The following KCNG2 variants were observed in gnomAD, a reference collection of about 807,000 sequenced individuals.
The protein encoded by KCNG2 is voltage-gated potassium channel regulatory subunit KCNG2.
Under a neutral mutation model 12.3 loss-of-function variants are expected in KCNG2, and 7 were observed. The ratio of observed to expected loss-of-function variants is 0.57; its 90% CI spans 0.32 to 1.07. KCNG2 has a LOEUF of 1.07. Ranked by LOEUF, KCNG2 falls within the 50% of genes least tolerant of loss-of-function variation. KCNG2 has a pLI of 0.04. For synonymous variants in KCNG2, 414 were observed against 351.4 expected (o/e 1.18, Z -1.99); for missense variants, 703 against 726.0 (o/e 0.97, Z 0.36).
At chr18:79,889,062 T>A (rs927129378) in intron 3 of KCNG2, among the ~76,000 whole-genome samples, 1 of 152,244 alleles carries the variant, frequency 6.6e-6, no homozygotes, top group African/African-American at 2.4e-5. Context: ...AAGTCCCTTA[T>A]CAAATATCTG....
chr18:79,827,243 T>G (rs1160610286), intron 1 of KCNG2, among the ~76,000 whole-genome samples: 1 of 152,230 alleles, frequency 6.6e-6, no homozygotes, highest in Admixed American at 6.5e-5. Flanking sequence ...AGTGGTCCTG[T>G]GTCCACCCCG....
intron 2 of KCNG2, among the ~76,000 whole-genome samples, chr18:79,862,063 G>T (rs1192519738): frequency 1.3e-5 from 2 of 152,130 alleles, no homozygotes; most frequent in Non-Finnish European, 2.9e-5. Context: ...GCTCTTTGAA[G>T]ATATTAAATA....
At chr18:79,804,288 C>A (rs1159660760) in intron 1 of KCNG2, among the ~76,000 whole-genome samples, 1 of 152,248 alleles carries the variant, frequency 6.6e-6, no homozygotes, top group Non-Finnish European at 1.5e-5. Context: ...GACCCTGGCC[C>A]TGCTGGACTC....
chr18:79,869,133 A>C (rs1360007861), intron 3 of KCNG2, among the ~76,000 whole-genome samples: 1 of 152,136 alleles, frequency 6.6e-6, no homozygotes, highest in Non-Finnish European at 1.5e-5. Context: ...GCCAGAGTCC[A>C]GCTGGGACAG....
intron 2 of KCNG2, among the ~76,000 whole-genome samples, chr18:79,859,881 C>T (rs1207246938): frequency 6.6e-6 from 1 of 152,176 alleles, no homozygotes; most frequent in Non-Finnish European, 1.5e-5. Flanking sequence ...TTTATACTCA[C>T]TTTGAGTAAG....
At chr18:79,848,490 C>T (rs1002337830) in intron 1 of KCNG2, among the ~76,000 whole-genome samples, 1 of 152,228 alleles carries the variant, frequency 6.6e-6, no homozygotes, top group Non-Finnish European at 1.5e-5. Flanking sequence ...TCAGTGTCGG[C>T]CTCTCCCCTC....
chr18:79,853,619 G>A (rs1187206430), intron 1 of KCNG2, among the ~76,000 whole-genome samples: 21 of 152,178 alleles, frequency 1.4e-4, no homozygotes. Context: ...AGGGCTGTGG[G>A]TGCAGCGGAC....
intron 1 of KCNG2, among the ~76,000 whole-genome samples, chr18:79,798,492 C>T (rs1215069427): frequency 6.6e-6 from 1 of 152,184 alleles, no homozygotes; most frequent in Non-Finnish European, 1.5e-5. Context: ...GCGCGGAGAG[C>T]GGGCGGGGTG....
chr18:79,883,706 G>A (rs2123113919), intron 3 of KCNG2, among the ~76,000 whole-genome samples: 1 of 152,330 alleles, frequency 6.6e-6, no homozygotes, highest in South Asian at 2.1e-4. Context: ...ATGTCTGTCT[G>A]GTAAAGGTGA....
intron 1 of KCNG2, among the ~76,000 whole-genome samples, chr18:79,798,265 C>T (rs532288454): frequency 1.3e-5 from 2 of 151,618 alleles, no homozygotes; most frequent in Admixed American, 1.3e-4. Flanking sequence ...GCTCAGCGCC[C>T]AGAGTCCGGG....
At chr18:79,889,945 A>G (rs540139417) in intron 3 of KCNG2, among the ~76,000 whole-genome samples, 1 of 152,296 alleles carries the variant, frequency 6.6e-6, no homozygotes, top group Admixed American at 6.5e-5. Flanking sequence ...GTATTTTGTC[A>G]AAAGCTTTTT....
At chr18:79,858,862 C>G (rs1979115043) in intron 2 of KCNG2, among the ~76,000 whole-genome samples, 2 of 152,314 alleles carry the variant, frequency 1.3e-5, no homozygotes, top group Middle Eastern at 3.4e-3. Context: ...TAGCCATTCA[C>G]ATACTTCCTC....
intron 2 of KCNG2, among the ~76,000 whole-genome samples, chr18:79,863,348 AC>A (rs1979292723): frequency 6.6e-6 from 1 of 152,094 alleles, no homozygotes; most frequent in South Asian, 2.1e-4. Context: ...GCTCCGTTCG[AC>A]CCCGTGTTCC....
At chr18:79,876,413 C>G (rs1205811977) in intron 3 of KCNG2, 1 of 152,374 alleles carries the variant, frequency 6.6e-6, no homozygotes, top group African/African-American at 2.4e-5. Flanking sequence ...GGAGAGGAGT[C>G]ACCTGCGGCG....
chr18:79,832,733 C>G (rs1445309648), intron 1 of KCNG2, among the ~76,000 whole-genome samples: 2 of 152,238 alleles, frequency 1.3e-5, no homozygotes, highest in Non-Finnish European at 2.9e-5. Context: ...GGGCCACAGA[C>G]TTTTCCAGCC....
At position 79,861,801 on chromosome 18, in the gene KCNG2, A is replaced by G. The variant is rs896258291; in HGVS notation, c.-40-1827A>G. Among the ~76,000 whole-genome samples, 9 of 152,140 alleles carry G rather than the reference A, an allele frequency of 5.9e-5. No individual in the cohort carries two copies. The East Asian group carries it at 1.7e-3, about 29-fold the overall frequency. ...CATGTGATGGTCCCACAGGTCTCTT[A>G]GGCTCTGTTCCGTTTTCTTCACTTG... is the stretch of plus-strand genomic sequence containing the variant. On this transcript the variant is annotated intron_variant, in intron 2 of 3. Transcript: ENST00000316249.
chr18:79,877,523 C>T (rs1011068321), intron 3 of KCNG2, among the ~76,000 whole-genome samples: 15 of 152,178 alleles, frequency 9.9e-5, no homozygotes, highest in Non-Finnish European at 2.1e-4. Context: ...CCTCCCTCGC[C>T]GTTGGGGACA....
chr18:79,812,914 T>C (rs574581079), intron 1 of KCNG2, among the ~76,000 whole-genome samples: 42 of 151,924 alleles, frequency 2.8e-4, no homozygotes, highest in African/African-American at 1.0e-3. Context: ...TTCCAGCACT[T>C]TGGGAGGCCA....
chr18:79,851,989 T>C (rs1482648077), intron 1 of KCNG2, among the ~76,000 whole-genome samples: 1 of 152,222 alleles, frequency 6.6e-6, no homozygotes, highest in Admixed American at 6.5e-5. Context: ...ATGTGAGGCT[T>C]AGCAAAATTA....
Sources: gnomAD v4.1 joint callset for allele counts (sites outside exome capture counted in the v4.1 genomes callset) on GRCh38, gnomAD v4.1.1 for gene constraint, MANE v1.5 for transcripts, NCBI Gene and HGNC (gene_info 2026-07-23, HGNC 2026-07-21) for gene names.